CNTNAP5: variants seen among roughly 807,000 people sequenced by gnomAD.
CNTNAP5 encodes the protein contactin associated protein family member 5.
Under a neutral mutation model 150.2 loss-of-function variants are expected in CNTNAP5, and 72 were observed. That is an observed-to-expected ratio of 0.48 (90% CI 0.40 to 0.58). The LOEUF is 0.58. Ranked by LOEUF, CNTNAP5 falls within the 20% of genes least tolerant of loss-of-function variation. The pLI is 0.00. For missense variants in CNTNAP5, 1,636 were observed against 1,626.2 expected, an observed-to-expected ratio of 1.01 and a Z score of -0.10; for synonymous variants, 672 against 619.8, an observed-to-expected ratio of 1.08 and a Z score of -1.25.
At chr2:124,483,731 G>C (rs939075131) in intron 7 of CNTNAP5, among the ~76,000 whole-genome samples, 1 of 152,186 alleles carries the variant, frequency 6.6e-6, no homozygotes, top group African/African-American at 2.4e-5. Flanking sequence ...TTAAAATGCA[G>C]TTATTGAACA....
intron 8 of CNTNAP5, among the ~76,000 whole-genome samples, chr2:124,513,736 G>A (rs1407603565): frequency 6.6e-6 from 1 of 152,164 alleles, no homozygotes; most frequent in Non-Finnish European, 1.5e-5. Context: ...TACTCAGGGG[G>A]GAGTACTAAT....
At chr2:124,436,719 C>A (rs992692386) in intron 5 of CNTNAP5, among the ~76,000 whole-genome samples, 1 of 152,148 alleles carries the variant, frequency 6.6e-6, no homozygotes, top group Non-Finnish European at 1.5e-5. Context: ...TCTTTCTTCC[C>A]AGTTTCCATC....
chr2:124,318,121 C>T (rs1310263322), intron 3 of CNTNAP5, among the ~76,000 whole-genome samples: 2 of 152,134 alleles, frequency 1.3e-5, no homozygotes, highest in Non-Finnish European at 2.9e-5. Context: ...GAGTTGCAGT[C>T]AGCGGCCACA....
intron 19 of CNTNAP5, among the ~76,000 whole-genome samples, chr2:124,856,142 G>A (rs964076643): frequency 6.6e-6 from 1 of 150,966 alleles, no homozygotes; most frequent in Non-Finnish European, 1.5e-5. Flanking sequence ...TGTGTGTGGG[G>A]GTGTGTGTAT....
At chr2:124,681,983 A>G (rs1679079572) in intron 13 of CNTNAP5, among the ~76,000 whole-genome samples, 1 of 152,146 alleles carries the variant, frequency 6.6e-6, no homozygotes, top group Non-Finnish European at 1.5e-5. Context: ...ATGCTTTGCT[A>G]TGTGTCTTCC....
intron 4 of CNTNAP5, among the ~76,000 whole-genome samples, chr2:124,426,006 ACCCC>A (rs1692229801): frequency 6.6e-6 from 1 of 152,066 alleles, no homozygotes; most frequent in African/African-American, 2.4e-5. Context: ...TTTTAAGTGC[ACCCC>A]GAAAGACATC....
chr2:124,856,789 T>C lies in CNTNAP5; in HGVS notation c.3218-8517T>C, dbSNP rs116037955. On this transcript the variant is annotated intron_variant, in intron 19 of 23. Coordinates refer to ENST00000682447, the MANE Select transcript of CNTNAP5 (RefSeq NM_001367498.1). Reference sequence around the variant, plus strand: ...CCTACTTCAGGAGGAGTGTAGTATCTCTTCCATGCGAGGTTCTTTCTTGAA... The same window carrying C: ...CCTACTTCAGGAGGAGTGTAGTATCCCTTCCATGCGAGGTTCTTTCTTGAA... 5.2e-3 allele frequency among the ~76,000 whole-genome samples: 789 copies of C among 152,296 alleles called. 9 individuals carry two copies. Among genetic ancestry groups the C allele is most frequent in the African/African-American group, 0.018 (763 of 41,560 alleles).
intron 13 of CNTNAP5, among the ~76,000 whole-genome samples, chr2:124,686,462 CTCCCCAA>C (rs1162470727): frequency 6.6e-6 from 1 of 152,072 alleles, no homozygotes; most frequent in African/African-American, 2.4e-5. Context: ...GTGCTAAATA[CTCCCCAA>C]AGATGGCTCA....
chr2:124,674,244 C>A (rs1022198245), intron 13 of CNTNAP5, among the ~76,000 whole-genome samples: 1 of 151,980 alleles, frequency 6.6e-6, no homozygotes, highest in Non-Finnish European at 1.5e-5. Context: ...CTTTAATATT[C>A]CTTCTCCTTG....
At chr2:124,633,384 C>T (rs1677903978) in intron 12 of CNTNAP5, among the ~76,000 whole-genome samples, 1 of 152,170 alleles carries the variant, frequency 6.6e-6, no homozygotes, top group Non-Finnish European at 1.5e-5. Flanking sequence ...GGTACAGGCA[C>T]CATGAAACTC....
chr2:124,381,540 C>T (rs888739641), intron 3 of CNTNAP5, among the ~76,000 whole-genome samples: 3 of 152,098 alleles, frequency 2.0e-5, no homozygotes, highest in Admixed American at 6.5e-5. Context: ...TCACCCCCCC[C>T]TCCAAGACTG....
rs760393085 is a variant in CNTNAP5 at position 124,417,519 on chromosome 2, G to T, written c.458G>T (p.Arg153Leu). 1 of 1,613,766 alleles carries T rather than the reference G, an allele frequency of 6.2e-7. No individual in the cohort carries two copies. Among genetic ancestry groups the T allele is most frequent in the East Asian group, 2.2e-5 (1 of 44,848 alleles). ...LLHSVRARFV[R>L]FVPLEWNPSG... is the part of the protein sequence containing the mutation. Reference sequence around the variant, plus strand: ...CACTCAGTGAGAGCCCGATTTGTTCGCTTTGTGCCCCTGGAATGGAATCCC... The same window carrying T: ...CACTCAGTGAGAGCCCGATTTGTTCTCTTTGTGCCCCTGGAATGGAATCCC... The change falls in exon 4 of 24, where the codon CGC becomes CTC. Residue 153 changes from arginine to leucine, a missense_variant. Physicochemically the swap from Arg to Leu is moderately radical, Grantham distance 102. Transcript: ENST00000682447.
rs1678738560 is a variant in CNTNAP5, at chr2:124,915,178, A to G, written c.*890A>G. 6.0e-6 allele frequency: 1 copy of G among 165,762 alleles called. No individual in the cohort carries two copies. Among genetic ancestry groups the G allele is most frequent in the Admixed American group, 6.6e-5 (1 of 15,156 alleles). 10.3% of individuals were successfully genotyped at this position (165,762 alleles called of 1,614,324 possible). A position where few individuals can be genotyped will look rare whatever the true frequency, so the allele number is the denominator to read the frequency against. On this transcript the variant is annotated 3_prime_UTR_variant, in exon 24 of 24. Coordinates refer to ENST00000682447, the MANE Select transcript of CNTNAP5 (RefSeq NM_001367498.1). ...CACACATATGTGTATATATGTATAT[A>G]TATATGTGAGTATATATACACACAC...
At chr2:124,896,727 C>T (rs917391233) in intron 21 of CNTNAP5, among the ~76,000 whole-genome samples, 1 of 151,252 alleles carries the variant, frequency 6.6e-6, no homozygotes, top group Non-Finnish European at 1.5e-5. Context: ...TTAGTAGAGA[C>T]GGGGTTTCAC....
At chr2:124,116,599 T>A (rs1426275801) in intron 1 of CNTNAP5, among the ~76,000 whole-genome samples, 2 of 152,228 alleles carry the variant, frequency 1.3e-5, no homozygotes, top group Non-Finnish European at 2.9e-5. Context: ...TGGGCCATGG[T>A]GATTGGGCTT....
At chr2:124,259,008 T>TC (rs1235869050) in intron 3 of CNTNAP5, among the ~76,000 whole-genome samples, 3 of 83,748 alleles carry the variant, frequency 3.6e-5, no homozygotes, top group East Asian at 8.1e-4. Flanking sequence ...CCCTCCCCCC[T>TC]CCCCCCACCC....
chr2:124,164,988 C>A (rs1219912414), intron 1 of CNTNAP5, among the ~76,000 whole-genome samples: 1 of 152,196 alleles, frequency 6.6e-6, no homozygotes, highest in South Asian at 2.1e-4. Context: ...GAACACAAGC[C>A]CTGGAGCCAG....
rs549709977 is a variant in CNTNAP5, at chr2:124,736,549, T to C, written c.2078-10680T>C. On this transcript the variant is annotated intron_variant, in intron 13 of 23. Coordinates refer to ENST00000682447, the MANE Select transcript of CNTNAP5 (RefSeq NM_001367498.1). ...TGTTTAATCCATGAATGAACTGATA[T>C]GTGAAAACCTTACTGTATGGTGGTC... Among the ~76,000 whole-genome samples, 7 of 152,318 alleles carry C rather than the reference T, an allele frequency of 4.6e-5. No individual in the cohort carries two copies. The East Asian group carries it at 1.4e-3, about 29-fold the overall frequency.
At chr2:124,710,577 A>G (rs967296004) in intron 13 of CNTNAP5, among the ~76,000 whole-genome samples, 4 of 152,126 alleles carry the variant, frequency 2.6e-5, no homozygotes, top group Non-Finnish European at 4.4e-5. Flanking sequence ...TGCAGAGTGT[A>G]GACAATACAC....
Sources: gnomAD v4.1 joint callset for allele counts (sites outside exome capture counted in the v4.1 genomes callset) on GRCh38, gnomAD v4.1.1 for gene constraint, MANE v1.5 for transcripts, NCBI Gene and HGNC (gene_info 2026-07-23, HGNC 2026-07-21) for gene names.